The following FAM13A variants were observed in gnomAD, a reference collection of about 807,000 sequenced individuals.
FAM13A encodes the protein protein FAM13A.
FAM13A carries 76 observed loss-of-function variants against 129.6 expected under a neutral mutation model. That is an observed-to-expected ratio of 0.59 (90% CI 0.49 to 0.71). The LOEUF is 0.71. FAM13A is among the 30% of genes least tolerant of loss of function. The probability of loss-of-function intolerance (pLI) is 0.00; values close to 1 mark genes in which losing one functional copy is unlikely to be tolerated. For missense variants in FAM13A, 1,108 were observed against 1,249.3 expected, an observed-to-expected ratio of 0.89 and a Z score of 1.70; for synonymous variants, 443 against 449.9, an observed-to-expected ratio of 0.98 and a Z score of 0.20.
chr4:88,747,796 G>A lies in FAM13A; in HGVS notation c.2217C>T (p.Ser739=). 1 of 1,614,174 alleles carries A rather than the reference G, an allele frequency of 6.2e-7. No homozygotes were observed. The highest frequency in any genetic ancestry group is 8.5e-7 in the Non-Finnish European group (1 of 1,180,004). The stretch of plus-strand genomic sequence containing the variant: ...AACCAAAACTCTTGGGGAGTGTGTT[G>A]CTTCGCTGCCGCATCCTGGGAGTTA... ...EDLTPRMRQR[S]NTLPKSFGSQ... The change falls in exon 18 of 24, where the codon AGC becomes AGT. Residue 739 remains serine, a synonymous_variant. Coordinates refer to ENST00000264344, the MANE Select transcript of FAM13A (RefSeq NM_014883.4).
chr4:88,845,595 T>G (rs2149957692), intron 7 of FAM13A, among the ~76,000 whole-genome samples: 1 of 152,158 alleles, frequency 6.6e-6, no homozygotes, highest in Middle Eastern at 3.4e-3. Context: ...CTATAATGAA[T>G]TAAAAAAAAT....
intron 4 of FAM13A, among the ~76,000 whole-genome samples, chr4:88,964,804 T>G (rs1476616419): frequency 6.6e-6 from 1 of 151,986 alleles, no homozygotes; most frequent in Non-Finnish European, 1.5e-5. Flanking sequence ...ATTTTTGTGT[T>G]TTTAGTAAAG....
At chr4:88,924,207 A>C (rs1579302599) in intron 5 of FAM13A, among the ~76,000 whole-genome samples, 1 of 152,340 alleles carries the variant, frequency 6.6e-6, no homozygotes, top group Admixed American at 6.5e-5. Flanking sequence ...AAACTACTTT[A>C]AAGTTCATAT....
At chr4:88,899,038 G>A (rs1033181248) in intron 6 of FAM13A, among the ~76,000 whole-genome samples, 9 of 151,838 alleles carry the variant, frequency 5.9e-5, no homozygotes, top group African/African-American at 1.9e-4. Flanking sequence ...ATCAATCAAT[G>A]AGTGAGTAAA....
intron 6 of FAM13A, among the ~76,000 whole-genome samples, chr4:88,869,816 T>G (rs1345113984): frequency 6.6e-6 from 1 of 152,194 alleles, no homozygotes; most frequent in East Asian, 1.9e-4. Context: ...ATGCCTGATA[T>G]GACAAAGAGA....
At chr4:88,988,386 T>C (rs1461800216) in intron 4 of FAM13A, among the ~76,000 whole-genome samples, 1 of 152,210 alleles carries the variant, frequency 6.6e-6, no homozygotes, top group Non-Finnish European at 1.5e-5. Context: ...AATGATATGA[T>C]GGAATTGTCC....
Position 88,862,885 on chromosome 4 carries a change from A to T in FAM13A, c.844-11702T>A, listed in dbSNP as rs1739725546. On this transcript the variant is annotated intron_variant, in intron 6 of 23. Coordinates refer to ENST00000264344, the MANE Select transcript of FAM13A (RefSeq NM_014883.4). ...CTTTATCATTCTACGTAAATAATAT[A>T]GTCATTAAGAGAGACTTCTCACTGG... 2.0e-5 allele frequency among the ~76,000 whole-genome samples: 3 copies of T among 152,026 alleles called. No homozygotes were observed. The South Asian group carries it at 6.2e-4, about 32-fold the overall frequency.
chr4:88,865,517 A>T (rs1311491163), intron 6 of FAM13A, among the ~76,000 whole-genome samples: 1 of 152,240 alleles, frequency 6.6e-6, no homozygotes, highest in Non-Finnish European at 1.5e-5. Flanking sequence ...TCTGAGTTTT[A>T]GTGCCTAGTA....
At chr4:89,053,669 A>C (rs1027749301) in intron 1 of FAM13A, among the ~76,000 whole-genome samples, 1 of 152,112 alleles carries the variant, frequency 6.6e-6, no homozygotes, top group Admixed American at 6.6e-5. Flanking sequence ...ACTGGGGACA[A>C]ATCAGGTGGG....
chr4:88,775,170 C>T (rs1387173489), intron 11 of FAM13A, among the ~76,000 whole-genome samples: 1 of 151,978 alleles, frequency 6.6e-6, no homozygotes, highest in African/African-American at 2.4e-5. Flanking sequence ...GGTATGAGGA[C>T]AAGGAGAGGT....
At chr4:88,991,881 C>T (rs1762961332) in intron 3 of FAM13A, among the ~76,000 whole-genome samples, 2 of 152,126 alleles carry the variant, frequency 1.3e-5, no homozygotes, top group Non-Finnish European at 2.9e-5. Context: ...AAGAATACTG[C>T]TAAGTCAGTT....
At chr4:88,735,292 A>G (rs886601946) in intron 21 of FAM13A, among the ~76,000 whole-genome samples, 25 of 152,374 alleles carry the variant, frequency 1.6e-4, no homozygotes, top group African/African-American at 6.0e-4. Flanking sequence ...GGTATTTATC[A>G]AACCTATACA....
chr4:88,754,083 C>G (rs1269257443), intron 14 of FAM13A, among the ~76,000 whole-genome samples: 1 of 152,196 alleles, frequency 6.6e-6, no homozygotes, highest in Non-Finnish European at 1.5e-5. Flanking sequence ...AAAATAAATG[C>G]ATTTTCATAT....
rs140606983 is a variant in FAM13A at position 89,031,518 on chromosome 4, A to G, written c.28-1869T>C. Among the ~76,000 whole-genome samples the G allele has an allele frequency of 6.3e-3, 963 of 152,296 alleles. 3 individuals are homozygous for G. Among genetic ancestry groups the G allele is most frequent in the Non-Finnish European group, 0.01 (683 of 68,000 alleles). On this transcript the variant is annotated intron_variant, in intron 1 of 23. Transcript: ENST00000264344. The stretch of plus-strand genomic sequence containing the variant: ...TACCAAGAGTTTGTATGTCATAGAA[A>G]TGTACAAGGTAGAAATTAGTTCATT...
chr4:88,944,857 C>G (rs931557182), intron 4 of FAM13A, among the ~76,000 whole-genome samples: 2 of 150,942 alleles, frequency 1.3e-5, no homozygotes, highest in African/African-American at 2.4e-5. Flanking sequence ...GAGCCGAGAT[C>G]ATGCCACTGC....
chr4:88,758,178 A>G (rs1020095917), intron 14 of FAM13A, among the ~76,000 whole-genome samples: 1 of 152,086 alleles, frequency 6.6e-6, no homozygotes, highest in African/African-American at 2.4e-5. Context: ...AGTCTCTAGG[A>G]AAAAAAACCA....
At position 88,790,507 on chromosome 4, in the gene FAM13A, T is replaced by G. The variant is rs900791793; in HGVS notation, c.1091+79A>C. ...ATACTGTACACCATTAGAGTTGCTT[T>G]TTTTTTCTGTTTAATAAGTGGGACA... is the stretch of plus-strand genomic sequence containing the variant. On this transcript the variant is annotated intron_variant, in intron 9 of 23. Coordinates refer to ENST00000264344, the MANE Select transcript of FAM13A (RefSeq NM_014883.4). The G allele has an allele frequency of 1.9e-4, 237 of 1,239,094 alleles. 1 individual carries two copies. Among genetic ancestry groups the G allele is most frequent in the Non-Finnish European group, 2.2e-4 (192 of 864,196 alleles). 76.8% of individuals were successfully genotyped at this position (1,239,094 alleles called of 1,614,324 possible). A position where few individuals can be genotyped will look rare whatever the true frequency, so the allele number is the denominator to read the frequency against.
rs532596791 is a variant in FAM13A, at chr4:88,942,082, A to G, written c.606-3841T>C. On this transcript the variant is annotated intron_variant, in intron 4 of 23. Coordinates refer to ENST00000264344, the MANE Select transcript of FAM13A (RefSeq NM_014883.4). The stretch of plus-strand genomic sequence containing the variant: ...GGTACACCTGACTTTCTCATGAATA[A>G]AAATTATGGCCACAGAAGCTGCAAA... Among the ~76,000 whole-genome samples, 60 of 152,292 alleles carry G rather than the reference A, an allele frequency of 3.9e-4. No homozygotes were observed. In the South Asian group the frequency reaches 5.6e-3, roughly 14 times the overall value.
chr4:88,922,571 T>C (rs1305910558), intron 5 of FAM13A, among the ~76,000 whole-genome samples: 1 of 152,032 alleles, frequency 6.6e-6, no homozygotes, highest in Non-Finnish European at 1.5e-5. Flanking sequence ...GGGAAATTTA[T>C]AGCACTAAAT....
Sources: gnomAD v4.1 joint callset for allele counts (sites outside exome capture counted in the v4.1 genomes callset) on GRCh38, gnomAD v4.1.1 for gene constraint, MANE v1.5 for transcripts, NCBI Gene and HGNC (gene_info 2026-07-23, HGNC 2026-07-21) for gene names.